Variants in ZNF350 observed in about 807,000 individuals in gnomAD.
ZNF350 encodes the protein KRAB zinc finger protein ZFQR.
ZNF350 carries 5 observed loss-of-function variants against 13.1 expected under a neutral mutation model. The ratio of observed to expected loss-of-function variants is 0.38; its 90% CI spans 0.20 to 0.80. The LOEUF is 0.80. Among genes scored for constraint, ZNF350 ranks in the 30% least tolerant of loss-of-function variants. The pLI is 0.43. For synonymous variants in ZNF350, 199 were observed against 224.2 expected, an observed-to-expected ratio of 0.89 and a Z score of 1.00; for missense variants, 534 against 644.2, an observed-to-expected ratio of 0.83 and a Z score of 1.85.
At position 51,983,703 on chromosome 19, in the gene ZNF350, C is replaced by T. The variant is rs1489776437; in HGVS notation, c.-172+3067G>A. ...ACTCACATGTTTTCCTACTGACCCT[C>T]TCCCCACCATTACCCTATAGTCCTG... is the stretch of plus-strand genomic sequence containing the variant. On this transcript the variant is annotated intron_variant, in intron 1 of 4. Transcript: ENST00000243644. Among the ~76,000 whole-genome samples the T allele has an allele frequency of 2.0e-5, 3 of 152,312 alleles. No homozygotes were observed. In the East Asian group the frequency reaches 5.8e-4, roughly 29 times the overall value.
Position 51,968,564 on chromosome 19 carries a change from G to A in ZNF350, c.238+14C>T. The A allele has an allele frequency of 6.2e-7, 1 of 1,611,232 alleles. No individual in the cohort carries two copies. The highest frequency in any genetic ancestry group is 1.3e-5 in the African/African-American group (1 of 74,932). ...TGTGACTTCCATAGCCTTCTGTCTTGTGGGTTCTCTCACCTGAACAGGCTC... is the reference window on the plus strand; with the variant it reads ...TGTGACTTCCATAGCCTTCTGTCTTATGGGTTCTCTCACCTGAACAGGCTC... On this transcript the variant is annotated intron_variant, in intron 4 of 4. Coordinates refer to ENST00000243644, the MANE Select transcript of ZNF350 (RefSeq NM_021632.4).
At chr19:51,981,061 A>C (rs1306957547) in intron 1 of ZNF350, 3 of 152,258 alleles carry the variant, frequency 2.0e-5, no homozygotes, top group African/African-American at 7.2e-5. Flanking sequence ...CCAACTCAGC[A>C]TTCTGCTGGA....
chr19:51,979,954 A>G (rs1163855771), intron 1 of ZNF350, among the ~76,000 whole-genome samples: 2 of 152,230 alleles, frequency 1.3e-5, no homozygotes, highest in Non-Finnish European at 2.9e-5. Flanking sequence ...GAAAGGACCA[A>G]TTCAAGAAAC....
Position 51,964,811 on chromosome 19 carries a change from A to G in ZNF350, c.*43T>C. On this transcript the variant is annotated 3_prime_UTR_variant, in exon 5 of 5. Transcript: ENST00000243644. ...CTTTTCGGCCACATAATGAACTACA[A>G]ATTTTTGCTCAACCCTTTTCCACAT... 1.3e-6 allele frequency: 2 copies of G among 1,566,258 alleles called. No individual in the cohort carries two copies. The highest frequency in any genetic ancestry group is 8.7e-7 in the Non-Finnish European group (1 of 1,154,898).
intron 1 of ZNF350, among the ~76,000 whole-genome samples, chr19:51,983,374 C>G (rs541021814): frequency 6.6e-6 from 1 of 152,204 alleles, no homozygotes; most frequent in South Asian, 2.1e-4. Flanking sequence ...GCCCAACACT[C>G]GTAAAGGGTC....
chr19:51,970,794 G>A (rs550343097), intron 2 of ZNF350, among the ~76,000 whole-genome samples: 142 of 152,224 alleles, frequency 9.3e-4, no homozygotes, highest in African/African-American at 3.0e-3. Flanking sequence ...AAGTCTACAC[G>A]TAGGCACAAC....
At chr19:51,968,876 T>C (rs897885166) in intron 3 of ZNF350, 129 bp downstream of exon 3, 2 of 1,581,000 alleles carry the variant, frequency 1.3e-6, no homozygotes, top group African/African-American at 1.3e-5. Context: ...CCGTCTTGTG[T>C]GGGAGCAAGA....
chr19:51,968,117 A>C (rs1490736323), intron 4 of ZNF350, among the ~76,000 whole-genome samples: 2 of 152,188 alleles, frequency 1.3e-5, no homozygotes, highest in African/African-American at 4.8e-5. Flanking sequence ...AGGCACAGCG[A>C]AAGTCCAGTT....
At chr19:51,974,054 G>A (rs2085818427) in intron 2 of ZNF350, 2 of 269,730 alleles carry the variant, frequency 7.4e-6, no homozygotes, top group Non-Finnish European at 1.4e-5. Context: ...TGATTTTCTT[G>A]TGACATTGGC....
chr19:51,969,456 G>A (rs970617048), intron 2 of ZNF350, among the ~76,000 whole-genome samples: 1 of 151,968 alleles, frequency 6.6e-6, no homozygotes, highest in Non-Finnish European at 1.5e-5. Flanking sequence ...GCAAATGAAA[G>A]ACATATATAC....
At chr19:51,983,772 TACTA>T (rs2086109830) in intron 1 of ZNF350, among the ~76,000 whole-genome samples, 2 of 152,078 alleles carry the variant, frequency 1.3e-5, no homozygotes, top group African/African-American at 2.4e-5. Context: ...AATCAATAAA[TACTA>T]ACAAAACTCA....
chr19:51,969,903 GT>G (rs1437117513), intron 2 of ZNF350, among the ~76,000 whole-genome samples: 1 of 152,038 alleles, frequency 6.6e-6, no homozygotes, highest in Non-Finnish European at 1.5e-5. Context: ...ATACATTTCT[GT>G]TTTTTTGAAA....
At position 51,965,338 on chromosome 19, in the gene ZNF350, TTC is replaced by T; in HGVS notation, c.1113_1114del (p.Lys372ThrfsTer3). On this transcript the variant is annotated frameshift_variant, in exon 5 of 5. Transcript: ENST00000243644. LOFTEE classifies it low-confidence loss of function (END_TRUNC). ...CCCACATTCACTACATTCAAAGGGTTTCTCTCCTGTGTGAATTCTTTGATGTT... is the reference window on the plus strand; with the variant it reads ...CCCACATTCACTACATTCAAAGGGTTTCTCCTGTGTGAATTCTTTGATGTT... 1 of 1,614,080 alleles carries T rather than the reference TTC, an allele frequency of 6.2e-7. No individual in the cohort carries two copies. Among genetic ancestry groups the T allele is most frequent in the Non-Finnish European group, 8.5e-7 (1 of 1,179,938 alleles).
In ZNF350 at chr19:51,970,059, A is replaced by ATTTTT. The variant is rs60960172; in HGVS notation, c.16-933_16-929dup. On this transcript the variant is annotated intron_variant, in intron 2 of 4. Coordinates refer to ENST00000243644, the MANE Select transcript of ZNF350 (RefSeq NM_021632.4). ...AGGCATGTGACACTACGCCTGGCTA[A>ATTTTT]TTTTTTTTTTTTTTTTTTTGAGACG... Among the ~76,000 whole-genome samples the ATTTTT allele has an allele frequency of 4.4e-3, 499 of 114,456 alleles. 31 individuals are homozygous for ATTTTT. Among genetic ancestry groups the ATTTTT allele is most frequent in the African/African-American group, 0.017 (456 of 27,556 alleles). 75.1% of individuals were successfully genotyped at this position (114,456 alleles called of 152,430 possible).
intron 4 of ZNF350, 177 bp downstream of exon 4, chr19:51,968,401 T>G: frequency 3.2e-6 from 2 of 621,738 alleles, no homozygotes; most frequent in Non-Finnish European, 2.8e-6. Flanking sequence ...AGAGTTTTTG[T>G]TTTGTTTTGT....
At chr19:51,980,582 T>A (rs2086010174) in intron 1 of ZNF350, among the ~76,000 whole-genome samples, 1 of 152,206 alleles carries the variant, frequency 6.6e-6, no homozygotes, top group Non-Finnish European at 1.5e-5. Flanking sequence ...GGAGAACAGG[T>A]ACAAAGCTTG....
intron 1 of ZNF350, chr19:51,981,257 A>ACCCCCCCCC (rs35435027): frequency 1.2e-4 from 17 of 147,070 alleles, no homozygotes; most frequent in African/African-American, 1.5e-4. Context: ...CCCTTCTTCC[A>ACCCCCCCCC]CCCCCCCACC....
intron 2 of ZNF350, among the ~76,000 whole-genome samples, chr19:51,970,743 C>G (rs912988229): frequency 1.4e-4 from 22 of 152,020 alleles, no homozygotes; most frequent in African/African-American, 3.9e-4. Flanking sequence ...TTAAACACTC[C>G]AAAATTCAAA....
intron 1 of ZNF350, among the ~76,000 whole-genome samples, chr19:51,984,522 C>G (rs985147213): frequency 1.3e-5 from 2 of 152,126 alleles, no homozygotes; most frequent in African/African-American, 4.8e-5. Context: ...CTCCGAGGTG[C>G]ACATCTAGAT....
Sources: allele counts gnomAD v4.1 joint callset (sites outside exome capture counted in the v4.1 genomes callset), GRCh38; gene constraint gnomAD v4.1.1; transcripts MANE v1.5; gene names NCBI Gene and HGNC (gene_info 2026-07-23, HGNC 2026-07-21).